Variants in DAB1 observed in about 807,000 individuals in gnomAD.
DAB1 encodes disabled homolog 1.
In DAB1, 15 loss-of-function variants were observed where a neutral mutation model predicts 64.6. The ratio of observed to expected loss-of-function variants is 0.23; its 90% CI spans 0.16 to 0.36. DAB1 has a LOEUF of 0.36. Among genes scored for constraint, DAB1 ranks in the 10% least tolerant of loss-of-function variants. DAB1 has a pLI of 1.00. For synonymous variants in DAB1, 235 were observed against 251.9 expected, an observed-to-expected ratio of 0.93 and a Z score of 0.64; for missense variants, 596 against 706.7, an observed-to-expected ratio of 0.84 and a Z score of 1.78.
At chr1:57,604,546 T>C (rs916001626) in intron 7 of DAB1, among the ~76,000 whole-genome samples, 7 of 152,232 alleles carry the variant, frequency 4.6e-5, no homozygotes, top group Admixed American at 2.6e-4. Flanking sequence ...TAGCAGATAC[T>C]TCTCCGATGT....
intron 9 of DAB1, among the ~76,000 whole-genome samples, chr1:57,038,453 C>T (rs1257849030): frequency 1.3e-5 from 2 of 152,118 alleles, no homozygotes; most frequent in African/African-American, 4.8e-5. Context: ...ATGTGCCAGG[C>T]CTACTGAGAT....
chr1:58,352,672 T>C (rs989370420), intron 3 of DAB1, among the ~76,000 whole-genome samples: 5 of 152,164 alleles, frequency 3.3e-5, no homozygotes, highest in Non-Finnish European at 7.4e-5. Context: ...CACACTGTGG[T>C]CTACTGCTAT....
In DAB1 at chr1:57,699,784, G is replaced by A. The variant is rs559395083; in HGVS notation, n.552-50119C>T. Among the ~76,000 whole-genome samples the A allele has an allele frequency of 4.6e-5, 7 of 152,050 alleles. No individual in the cohort carries two copies. In the South Asian group the frequency reaches 1.2e-3, roughly 27 times the overall value. ...AAAAATTAGCTCGGCGTGGTGGTGC[G>A]TGCCTGTAGTCCCAGCTACTTGGGA... On this transcript the variant is annotated intron_variant and non_coding_transcript_variant, in intron 6 of 20. Transcript: ENST00000485760.
intron 1 of DAB1, among the ~76,000 whole-genome samples, chr1:57,393,390 G>A (rs958082700): frequency 6.6e-6 from 1 of 152,064 alleles, no homozygotes; most frequent in African/African-American, 2.4e-5. Flanking sequence ...TTATATTGAT[G>A]AACAAAGAAA....
downstream of DAB1, chr1:57,825,998 G>A (rs940555406): frequency 6.6e-6 from 1 of 152,218 alleles, no homozygotes; most frequent in Non-Finnish European, 1.5e-5. Flanking sequence ...AACAGGTGTG[G>A]TGTATCATTC....
intron 4 of DAB1, among the ~76,000 whole-genome samples, chr1:57,090,317 A>C (rs1379302424): frequency 1.3e-5 from 2 of 152,208 alleles, no homozygotes; most frequent in African/African-American, 4.8e-5. Context: ...ACCTGCAAGC[A>C]GGTAAGCACA....
intron 2 of DAB1, among the ~76,000 whole-genome samples, chr1:58,509,758 G>T (rs1557446622): frequency 6.7e-6 from 1 of 150,060 alleles, no homozygotes; most frequent in South Asian, 2.1e-4. Flanking sequence ...GTTAGAGTAA[G>T]AAAAAAAAAG....
chr1:58,454,722 CCTTT>C (rs1242950754), intron 3 of DAB1, among the ~76,000 whole-genome samples: 1 of 152,158 alleles, frequency 6.6e-6, no homozygotes, highest in African/African-American at 2.4e-5. Context: ...CTGCTCTAGG[CCTTT>C]CTGAGATTTC....
intron 3 of DAB1, among the ~76,000 whole-genome samples, chr1:58,425,454 T>C (rs115519943): frequency 0.017 from 2,545 of 152,332 alleles, 74 homozygotes; most frequent in African/African-American, 0.058. Flanking sequence ...GTTGGCATTC[T>C]GCCGTAGAGT....
chr1:57,346,851 A>T (rs576652127), intron 1 of DAB1, among the ~76,000 whole-genome samples: 73 of 152,312 alleles, frequency 4.8e-4, no homozygotes, highest in African/African-American at 1.8e-3. Flanking sequence ...GAATTTGTTA[A>T]CTACCTCCTT....
intron 7 of DAB1, among the ~76,000 whole-genome samples, chr1:57,649,211 G>A (rs972724599): frequency 7.9e-5 from 12 of 152,186 alleles, no homozygotes; most frequent in Non-Finnish European, 4.4e-5. Flanking sequence ...AAAATGGGCA[G>A]TGGGACAGAG....
At chr1:57,817,283 A>T (rs1172608704) in intron 6 of DAB1, among the ~76,000 whole-genome samples, 1 of 152,250 alleles carries the variant, frequency 6.6e-6, no homozygotes, top group Non-Finnish European at 1.5e-5. Context: ...GATCCAAAGC[A>T]TTGGTAATGT....
At chr1:57,227,519 T>TCGTG (rs1306580262) in intron 2 of DAB1, among the ~76,000 whole-genome samples, 1 of 135,726 alleles carries the variant, frequency 7.4e-6, no homozygotes, top group Non-Finnish European at 1.6e-5. Context: ...TTTTTTTCTT[T>TCGTG]TGTGTGTGTG....
At chr1:57,190,475 G>A (rs763787553) in intron 2 of DAB1, among the ~76,000 whole-genome samples, 1 of 151,848 alleles carries the variant, frequency 6.6e-6, no homozygotes, top group Non-Finnish European at 1.5e-5. Context: ...GGGAGAGATA[G>A]AGCCAGGATC....
intron 3 of DAB1, among the ~76,000 whole-genome samples, chr1:58,417,515 C>G (rs899495795): frequency 4.0e-5 from 6 of 151,864 alleles, no homozygotes; most frequent in African/African-American, 1.5e-4. Context: ...ACAGACCCAG[C>G]AAGAGGCAAT....
chr1:57,476,309 T>C (rs896588868), intron 7 of DAB1, among the ~76,000 whole-genome samples: 8 of 151,742 alleles, frequency 5.3e-5, no homozygotes, highest in Non-Finnish European at 7.4e-5. Flanking sequence ...GTATATTTTA[T>C]ATTATCTGTA....
At chr1:58,481,844 CT>C (rs1190123310) in intron 3 of DAB1, among the ~76,000 whole-genome samples, 10 of 152,174 alleles carry the variant, frequency 6.6e-5, no homozygotes, top group African/African-American at 2.4e-4. Flanking sequence ...TAAGACATGA[CT>C]TTTCTCCTCA....
chr1:57,197,253 A>G (rs895094078), intron 2 of DAB1, among the ~76,000 whole-genome samples: 4 of 152,132 alleles, frequency 2.6e-5, no homozygotes, highest in Non-Finnish European at 4.4e-5. Flanking sequence ...TTGAGGCACA[A>G]GAATCGCTTG....
intron 3 of DAB1, among the ~76,000 whole-genome samples, chr1:58,358,529 G>A (rs1047793788): frequency 2.1e-4 from 32 of 152,156 alleles, no homozygotes; most frequent in African/African-American, 7.0e-4. Flanking sequence ...GAAGCAATCC[G>A]GTCCCCCTCT....
Sources: allele counts gnomAD v4.1 joint callset (sites outside exome capture counted in the v4.1 genomes callset), GRCh38; gene constraint gnomAD v4.1.1; transcripts MANE v1.5; gene names NCBI Gene and HGNC (gene_info 2026-07-23, HGNC 2026-07-21).